Variants in POC1B observed in about 807,000 individuals in gnomAD.
The protein encoded by POC1B is POC1 centriolar protein homolog B.
Under a neutral mutation model 60.6 loss-of-function variants are expected in POC1B, and 44 were observed. The observed-to-expected ratio is 0.73, with a 90% confidence interval of 0.57 to 0.93. POC1B has a LOEUF of 0.93. Among genes scored for constraint, POC1B ranks in the 40% least tolerant of loss-of-function variants. POC1B has a pLI of 0.00. For synonymous variants in POC1B, 180 were observed against 198.9 expected (o/e 0.90, Z 0.80); for missense variants, 555 against 572.3 (o/e 0.97, Z 0.31).
Position 89,523,722 on chromosome 12 carries a change from A to G in POC1B, c.100+1398T>C, listed in dbSNP as rs763766351. Reference sequence around the variant, plus strand: ...GAAATGTTAAACGCCAGTCAAACCCACCAATCATGGGCTCCCCTATCTGCA... The same window carrying G: ...GAAATGTTAAACGCCAGTCAAACCCGCCAATCATGGGCTCCCCTATCTGCA... On this transcript the variant is annotated intron_variant, in intron 2 of 11. Coordinates refer to ENST00000313546, the MANE Select transcript of POC1B (RefSeq NM_172240.3). 3.2e-6 allele frequency: 5 copies of G among 1,548,660 alleles called. No homozygotes were observed. In the Admixed American group the frequency reaches 1.1e-4, roughly 33 times the overall value.
At chr12:89,421,502 A>G (rs1880531664) in intron 11 of POC1B, among the ~76,000 whole-genome samples, 1 of 152,246 alleles carries the variant, frequency 6.6e-6, no homozygotes, top group Admixed American at 6.5e-5. Flanking sequence ...TGAGAAAAAA[A>G]GCAGTGGAAG....
intron 2 of POC1B, chr12:89,501,288 T>C: frequency 9.7e-7 from 1 of 1,031,098 alleles, no homozygotes; most frequent in South Asian, 1.3e-5. Context: ...AAAATGACTG[T>C]AGATCTACAA....
intron 7 of POC1B, among the ~76,000 whole-genome samples, chr12:89,467,919 T>TA (rs1480980955): frequency 6.6e-6 from 1 of 152,128 alleles, no homozygotes; most frequent in African/African-American, 2.4e-5. Context: ...AAAAATTAAT[T>TA]AAAAAAATAA....
intron 2 of POC1B, among the ~76,000 whole-genome samples, chr12:89,509,885 G>A (rs1870092133): frequency 6.6e-6 from 1 of 152,174 alleles, no homozygotes; most frequent in Admixed American, 6.5e-5. Context: ...TCACTCTGTT[G>A]CCCAGGCTGG....
At chr12:89,458,976 G>GT (rs1882366146) in intron 10 of POC1B, among the ~76,000 whole-genome samples, 1 of 152,148 alleles carries the variant, frequency 6.6e-6, no homozygotes, top group Admixed American at 6.6e-5. Flanking sequence ...CAACAAAATT[G>GT]TAAGTATTAG....
intron 10 of POC1B, among the ~76,000 whole-genome samples, chr12:89,446,555 GA>G (rs1405652136): frequency 1.3e-5 from 2 of 152,104 alleles, no homozygotes; most frequent in Non-Finnish European, 2.9e-5. Context: ...TGAACAATGA[GA>G]ATACTTGGAC....
intron 4 of POC1B, among the ~76,000 whole-genome samples, chr12:89,487,945 T>C (rs1168554594): frequency 4.7e-5 from 3 of 63,504 alleles, no homozygotes; most frequent in Non-Finnish European, 6.9e-5. Context: ...CTATTTAGTA[T>C]CATGTTTCCC....
intron 2 of POC1B, chr12:89,501,982 A>T: frequency 1.0e-6 from 1 of 974,462 alleles, no homozygotes; most frequent in Admixed American, 1.7e-5. Flanking sequence ...AGACTTGGCT[A>T]AGAGGAAAAA....
chr12:89,456,521 G>C (rs1413861330), intron 10 of POC1B, among the ~76,000 whole-genome samples: 9 of 151,964 alleles, frequency 5.9e-5, no homozygotes, highest in Admixed American at 2.6e-4. Flanking sequence ...ATGGAATCTT[G>C]AACTAAATAA....
At chr12:89,403,858 C>T in the POC1B span, among the ~76,000 whole-genome samples, 4 of 152,170 alleles carry the variant, frequency 2.6e-5, no homozygotes, top group Non-Finnish European at 5.9e-5. Context: ...GTTGGCCGGG[C>T]GCAGTGGCCC....
At chr12:89,508,956 C>T (rs866766373) in intron 2 of POC1B, among the ~76,000 whole-genome samples, 3 of 152,148 alleles carry the variant, frequency 2.0e-5, no homozygotes, top group Non-Finnish European at 4.4e-5. Context: ...CAGTCTTAGG[C>T]GGTTCTTTAT....
At chr12:89,510,796 C>T (rs1173569013) in intron 2 of POC1B, among the ~76,000 whole-genome samples, 3 of 136,436 alleles carry the variant, frequency 2.2e-5, no homozygotes, top group Non-Finnish European at 4.6e-5. Flanking sequence ...CTCATTCTGT[C>T]GCCCAGGCTA....
At chr12:89,499,966 C>G (rs113280395) in intron 2 of POC1B, 1 of 662,936 alleles carries the variant, frequency 1.5e-6, no homozygotes. Context: ...CCATCGCCTT[C>G]GACTTAAGGG....
intron 10 of POC1B, among the ~76,000 whole-genome samples, chr12:89,459,270 G>A (rs1882377358): frequency 6.6e-6 from 1 of 151,912 alleles, no homozygotes; most frequent in South Asian, 2.1e-4. Context: ...GGGGTGGGGT[G>A]GCAGGGGGAG....
At chr12:89,485,373 C>T (rs1197541824) in intron 4 of POC1B, 1 of 152,176 alleles carries the variant, frequency 6.6e-6, no homozygotes, top group East Asian at 1.9e-4. Context: ...TATTATAATA[C>T]ATGCATGAGA....
chr12:89,501,365 A>G (rs1869558208), intron 2 of POC1B: 1 of 1,028,850 alleles, frequency 9.7e-7, no homozygotes, highest in African/African-American at 1.6e-5. Flanking sequence ...AAACAAAAAC[A>G]GAGAAGAAAA....
intron 10 of POC1B, chr12:89,428,670 C>T (rs1167422685): frequency 6.6e-6 from 1 of 152,254 alleles, no homozygotes; most frequent in Non-Finnish European, 1.5e-5. Context: ...CATTCTCCTG[C>T]CTCAGCCTCC....
intron 4 of POC1B, among the ~76,000 whole-genome samples, chr12:89,481,840 T>G (rs1868374640): frequency 6.6e-6 from 1 of 152,126 alleles, no homozygotes; most frequent in Non-Finnish European, 1.5e-5. Context: ...GGTATTCATT[T>G]GAAATTCTAG....
intron 2 of POC1B, chr12:89,524,140 G>C (rs765563983): frequency 6.2e-7 from 1 of 1,614,022 alleles, no homozygotes; most frequent in Non-Finnish European, 8.5e-7. Flanking sequence ...GATAACAGAG[G>C]TGGTAGGAAG....
Sources: allele counts gnomAD v4.1 joint callset (sites outside exome capture counted in the v4.1 genomes callset), GRCh38; gene constraint gnomAD v4.1.1; transcripts MANE v1.5; gene names NCBI Gene and HGNC (gene_info 2026-07-23, HGNC 2026-07-21).